NXPE4: variants seen among roughly 807,000 people sequenced by gnomAD.
NXPE4 encodes NXPE family member 4.
Under a neutral mutation model 33.3 loss-of-function variants are expected in NXPE4, and 42 were observed. The ratio of observed to expected loss-of-function variants is 1.26; its 90% CI spans 0.98 to 1.63. NXPE4 has a LOEUF of 1.63. Ranked by LOEUF, NXPE4 falls within the 40% of genes most tolerant of loss-of-function variation. The pLI is 0.00. For synonymous variants in NXPE4, 253 were observed against 234.9 expected (o/e 1.08, Z -0.71); for missense variants, 709 against 647.6 (o/e 1.09, Z -1.03).
the NXPE4 span, among the ~76,000 whole-genome samples, chr11:114,629,305 CA>C: frequency 5.3e-5 from 8 of 152,128 alleles, no homozygotes; most frequent in South Asian, 1.7e-3. Context: ...AGCAGCACAT[CA>C]AAAAGCTTAT....
the NXPE4 span, among the ~76,000 whole-genome samples, chr11:114,653,365 GTT>G: frequency 6.6e-6 from 1 of 152,040 alleles, no homozygotes; most frequent in Non-Finnish European, 1.5e-5. Context: ...AAGCTCAACG[GTT>G]TTGTTGTATA....
chr11:114,623,623 C>T, the NXPE4 span, among the ~76,000 whole-genome samples: 2 of 152,062 alleles, frequency 1.3e-5, no homozygotes, highest in African/African-American at 4.8e-5. Flanking sequence ...CCCGTTTTAC[C>T]CACTGGATAA....
At chr11:114,658,375 G>T in the NXPE4 span, among the ~76,000 whole-genome samples, 1 of 152,160 alleles carries the variant, frequency 6.6e-6, no homozygotes, top group Non-Finnish European at 1.5e-5. Flanking sequence ...GAGCACAGAC[G>T]TAAAGAGACT....
the NXPE4 span, among the ~76,000 whole-genome samples, chr11:114,668,300 G>T: frequency 6.6e-6 from 1 of 151,788 alleles, no homozygotes; most frequent in Non-Finnish European, 1.5e-5. Flanking sequence ...CTGCTTGTCT[G>T]CTTCCTATTT....
chr11:114,641,100 A>T, the NXPE4 span, among the ~76,000 whole-genome samples: 1 of 152,042 alleles, frequency 6.6e-6, no homozygotes, highest in African/African-American at 2.4e-5. Flanking sequence ...ATAATAACTG[A>T]AGTAAATAGT....
At chr11:114,614,271 A>G in the NXPE4 span, among the ~76,000 whole-genome samples, 78,291 of 150,178 alleles carry the variant, frequency 0.52, 21,080 homozygotes, top group African/African-American at 0.66. Flanking sequence ...GTATTGCTTC[A>G]TGGGTAAGCC....
At chr11:114,618,291 T>G in the NXPE4 span, among the ~76,000 whole-genome samples, 1 of 151,972 alleles carries the variant, frequency 6.6e-6, no homozygotes, top group African/African-American at 2.4e-5. Context: ...ACCGCATGGG[T>G]AACCACTGTT....
chr11:114,586,984 C>G (rs910466558), intron 2 of NXPE4, among the ~76,000 whole-genome samples: 1 of 152,170 alleles, frequency 6.6e-6, no homozygotes, highest in Non-Finnish European at 1.5e-5. Context: ...GAACATCTCT[C>G]TCTTTACCCT....
chr11:114,599,614 GC>G (rs963096552), upstream of NXPE4, among the ~76,000 whole-genome samples: 1 of 152,176 alleles, frequency 6.6e-6, no homozygotes, highest in Admixed American at 6.5e-5. Context: ...GGTAGCTTCT[GC>G]TTCTGGGAAG....
chr11:114,623,132 T>C, the NXPE4 span, among the ~76,000 whole-genome samples: 1 of 152,128 alleles, frequency 6.6e-6, no homozygotes, highest in Non-Finnish European at 1.5e-5. Flanking sequence ...CGGTGGATAA[T>C]AAGTGTTGCC....
At chr11:114,573,887 A>G (rs1948943296) in intron 5 of NXPE4, among the ~76,000 whole-genome samples, 1 of 152,154 alleles carries the variant, frequency 6.6e-6, no homozygotes, top group South Asian at 2.1e-4. Flanking sequence ...AGAACATTCT[A>G]CCCAAAAAGT....
At chr11:114,627,107 C>G in the NXPE4 span, among the ~76,000 whole-genome samples, 1 of 151,960 alleles carries the variant, frequency 6.6e-6, no homozygotes, top group African/African-American at 2.4e-5. Context: ...AGGATATTAT[C>G]CAGGAGAACT....
the NXPE4 span, among the ~76,000 whole-genome samples, chr11:114,650,813 C>T: frequency 6.6e-6 from 1 of 151,482 alleles, no homozygotes; most frequent in African/African-American, 2.4e-5. Context: ...CAGGTACTTG[C>T]CAAAGACAAA....
chr11:114,672,717 A>G, the NXPE4 span, among the ~76,000 whole-genome samples: 13 of 151,960 alleles, frequency 8.6e-5, no homozygotes, highest in Non-Finnish European at 1.9e-4. Flanking sequence ...GATAATGAGG[A>G]ACGTTTTCTA....
the NXPE4 span, among the ~76,000 whole-genome samples, chr11:114,668,319 G>A: frequency 6.6e-6 from 1 of 151,706 alleles, no homozygotes; most frequent in African/African-American, 2.4e-5. Flanking sequence ...TTCTGCTAGT[G>A]AACAGGCTAA....
chr11:114,644,309 G>A, the NXPE4 span, among the ~76,000 whole-genome samples: 1 of 152,180 alleles, frequency 6.6e-6, no homozygotes, highest in African/African-American at 2.4e-5. Flanking sequence ...GGAGTGGTAA[G>A]AGAGGACATC....
chr11:114,631,323 G>C, the NXPE4 span, among the ~76,000 whole-genome samples: 70 of 151,744 alleles, frequency 4.6e-4, no homozygotes, highest in South Asian at 3.3e-3. Context: ...CACATATACA[G>C]CATGGAATAC....
the NXPE4 span, among the ~76,000 whole-genome samples, chr11:114,602,537 C>G: frequency 1.5e-5 from 2 of 137,528 alleles, no homozygotes; most frequent in African/African-American, 5.2e-5. Context: ...TGATAATTAT[C>G]TCATATACAA....
the NXPE4 span, among the ~76,000 whole-genome samples, chr11:114,601,789 G>A: frequency 0.67 from 43,257 of 64,096 alleles, 14,787 homozygotes; most frequent in Middle Eastern, 0.76. Flanking sequence ...TATATAACAT[G>A]TGATATATGA....
Sources: allele counts gnomAD v4.1 joint callset (sites outside exome capture counted in the v4.1 genomes callset), GRCh38; gene constraint gnomAD v4.1.1; transcripts MANE v1.5; gene names NCBI Gene and HGNC (gene_info 2026-07-23, HGNC 2026-07-21).